SLC44A3: variants seen among roughly 807,000 people sequenced by gnomAD.
The protein encoded by SLC44A3 is choline transporter-like protein 3.
A neutral mutation model predicts 75.4 loss-of-function variants in SLC44A3; 74 were observed. The ratio of observed to expected loss-of-function variants is 0.98; its 90% confidence interval spans 0.81 to 1.19. The LOEUF (loss-of-function observed/expected upper bound fraction) is 1.19, where lower values mean the gene tolerates loss of function less well. Among genes scored for constraint, SLC44A3 ranks in the 50% most tolerant of loss-of-function variants. SLC44A3 has a pLI of 0.00. For missense variants in SLC44A3, 700 were observed against 778.6 expected (o/e 0.90, Z 1.20); for synonymous variants, 310 against 296.9 (o/e 1.04, Z -0.45).
In SLC44A3 at chr1:94,895,038, A is replaced by G. The variant is rs1242683551; in HGVS notation, c.*116A>G. On this transcript the variant is annotated 3_prime_UTR_variant, in exon 15 of 15. Transcript: ENST00000271227. ...AATTTTTTTTTAAAAGACCTAATAAACCCTATTCTTCCTCATTGTCTTTGT... is the reference window on the plus strand; with the variant it reads ...AATTTTTTTTTAAAAGACCTAATAAGCCCTATTCTTCCTCATTGTCTTTGT... The G allele has an allele frequency of 7.3e-6, 5 of 681,174 alleles. No individual in the cohort carries two copies. The highest frequency in any genetic ancestry group is 1.0e-5 in the Non-Finnish European group (4 of 400,224). 42.2% of individuals were successfully genotyped at this position (681,174 alleles called of 1,614,324 possible). A position where few individuals can be genotyped will look rare whatever the true frequency, so the allele number is the denominator to read the frequency against.
chr1:94,871,370 C>T (rs1342322668), intron 12 of SLC44A3, among the ~76,000 whole-genome samples: 1 of 152,204 alleles, frequency 6.6e-6, no homozygotes, highest in East Asian at 1.9e-4. Context: ...GTGGTCAAAG[C>T]GTCTGGGAGT....
intron 6 of SLC44A3, among the ~76,000 whole-genome samples, chr1:94,838,650 A>G (rs979115319): frequency 2.6e-5 from 4 of 152,194 alleles, no homozygotes; most frequent in African/African-American, 9.6e-5. Flanking sequence ...CCACAATTTC[A>G]TTACTAAAAG....
intron 9 of SLC44A3, among the ~76,000 whole-genome samples, chr1:94,856,052 G>A (rs1480384983): frequency 1.3e-5 from 2 of 152,204 alleles, no homozygotes; most frequent in African/African-American, 4.8e-5. Context: ...TACCAGCAGA[G>A]CTAATTCAAG....
At chr1:94,883,370 G>C (rs1428772068) in intron 12 of SLC44A3, among the ~76,000 whole-genome samples, 1 of 152,128 alleles carries the variant, frequency 6.6e-6, no homozygotes, top group Non-Finnish European at 1.5e-5. Flanking sequence ...AGGTGTGGTG[G>C]CGCATGCCTG....
chr1:94,886,616 C>T (rs1256010276), intron 12 of SLC44A3, among the ~76,000 whole-genome samples: 1 of 152,146 alleles, frequency 6.6e-6, no homozygotes, highest in Non-Finnish European at 1.5e-5. Flanking sequence ...TCCCCTCTCC[C>T]TCCAGCTTGT....
In SLC44A3 at chr1:94,857,499, A is replaced by G; in HGVS notation, c.1237A>G (p.Arg413Gly). The G allele has an allele frequency of 6.2e-7, 1 of 1,608,516 alleles. No homozygotes were observed. Among genetic ancestry groups the G allele is most frequent in the Non-Finnish European group, 8.5e-7 (1 of 1,178,288 alleles). Residue 413 changes from arginine (R) to glycine (G), a missense_variant and splice_region_variant, in exon 10 of 15, where the codon AGA (arginine) becomes GGA (glycine). By Grantham distance (125) the Arg-to-Gly change is moderately radical. Coordinates refer to ENST00000271227, the MANE Select transcript of SLC44A3 (RefSeq NM_001114106.3). ...GGCAGTGGTTACTTGTTATTTCAAC[A>G]GGTAGGTCCAGTGTTTTTTTTCTAT... ...AGAVVTCYFN[R>G]SKNDPPDHPI...
At chr1:94,834,881 G>A (rs1444363354) in intron 5 of SLC44A3, among the ~76,000 whole-genome samples, 1 of 152,138 alleles carries the variant, frequency 6.6e-6, no homozygotes, top group African/African-American at 2.4e-5. Flanking sequence ...GATAGAGAGG[G>A]AAAAGAGAAA....
At chr1:94,844,239 G>A (rs1160563296) in intron 8 of SLC44A3, among the ~76,000 whole-genome samples, 1 of 152,212 alleles carries the variant, frequency 6.6e-6, no homozygotes, top group East Asian at 1.9e-4. Context: ...GCCACTGGAG[G>A]TAAAGAATAC....
chr1:94,872,133 C>T lies in SLC44A3; in HGVS notation c.1482+4716C>T, dbSNP rs1571386082. On this transcript the variant is annotated intron_variant, in intron 12 of 14. Coordinates refer to ENST00000271227, the MANE Select transcript of SLC44A3 (RefSeq NM_001114106.3). The stretch of plus-strand genomic sequence containing the variant: ...TTATTTTTTTTGAGACAGAGTTTCA[C>T]TCTTGTTGCCCAGGCTGGAGTGCAA... Among the ~76,000 whole-genome samples, 4 of 152,200 alleles carry T rather than the reference C, an allele frequency of 2.6e-5. No individual in the cohort carries two copies. The South Asian group carries it at 8.3e-4, about 32-fold the overall frequency.
At chr1:94,831,505 G>A (rs886257723) in intron 5 of SLC44A3, among the ~76,000 whole-genome samples, 4 of 152,148 alleles carry the variant, frequency 2.6e-5, no homozygotes, top group East Asian at 1.9e-4. Context: ...TACCCTTTTC[G>A]AGTAATGGCT....
At chr1:94,821,479 T>TCA (rs1378931573) in intron 2 of SLC44A3, among the ~76,000 whole-genome samples, 1 of 152,052 alleles carries the variant, frequency 6.6e-6, no homozygotes, top group Non-Finnish European at 1.5e-5. Context: ...TAGCTGAACA[T>TCA]CACACACACA....
chr1:94,848,758 A>G (rs1664792742), intron 9 of SLC44A3, among the ~76,000 whole-genome samples: 1 of 152,046 alleles, frequency 6.6e-6, no homozygotes, highest in African/African-American at 2.4e-5. Flanking sequence ...CAACAATGAA[A>G]CGTGTGATCG....
At chr1:94,829,081 C>T (rs1306348817) in intron 5 of SLC44A3, among the ~76,000 whole-genome samples, 1 of 151,840 alleles carries the variant, frequency 6.6e-6, no homozygotes, top group Non-Finnish European at 1.5e-5. Flanking sequence ...TCTAAATATA[C>T]AAAAATATAT....
At chr1:94,892,894 A>G (rs1420574333) in intron 14 of SLC44A3, among the ~76,000 whole-genome samples, 1 of 152,156 alleles carries the variant, frequency 6.6e-6, no homozygotes, top group African/African-American at 2.4e-5. Context: ...CTTTTTCTAA[A>G]GCATTTTTGC....
chr1:94,821,814 T>G (rs60716620), intron 2 of SLC44A3, among the ~76,000 whole-genome samples: 55,234 of 152,040 alleles, frequency 0.36, 10,293 homozygotes, highest in East Asian at 0.58. Flanking sequence ...TACCAGATAG[T>G]AATTACCTTT....
At chr1:94,878,152 T>G (rs1040012453) in intron 12 of SLC44A3, among the ~76,000 whole-genome samples, 4 of 151,824 alleles carry the variant, frequency 2.6e-5, no homozygotes, top group African/African-American at 9.7e-5. Flanking sequence ...GAGAATGGCG[T>G]GAACCCCAGG....
At chr1:94,847,616 C>T (rs1401649517) in intron 9 of SLC44A3, among the ~76,000 whole-genome samples, 2 of 152,306 alleles carry the variant, frequency 1.3e-5, no homozygotes, top group East Asian at 3.9e-4. Flanking sequence ...GTGGGCTCAG[C>T]CCTGGTCAGA....
Position 94,820,460 on chromosome 1 carries a change from C to T in SLC44A3, c.9C>T (p.Cys3=). The T allele has an allele frequency of 2.0e-6, 3 of 1,494,110 alleles. No individual in the cohort carries two copies. Among genetic ancestry groups the T allele is most frequent in the East Asian group, 2.8e-5 (1 of 36,042 alleles). 92.6% of individuals were successfully genotyped at this position (1,494,110 alleles called of 1,614,324 possible). MH[C]LGAEYLVSAE... ...CCGCCGGCGAGCGCACGATGCACTG[C>T]CTGGGCGCCGAGTACCTGGTAAGCG... Residue 3 remains cysteine, a synonymous_variant, in exon 1 of 15, where the codon TGC becomes TGT. Coordinates refer to ENST00000271227, the MANE Select transcript of SLC44A3 (RefSeq NM_001114106.3).
chr1:94,885,780 G>A (rs925504799), intron 12 of SLC44A3, among the ~76,000 whole-genome samples: 16 of 152,212 alleles, frequency 1.1e-4, no homozygotes, highest in African/African-American at 2.7e-4. Context: ...GAATGTGTTC[G>A]GGGAGAGGTA....
Sources: gnomAD v4.1 joint callset for allele counts (sites outside exome capture counted in the v4.1 genomes callset) on GRCh38, gnomAD v4.1.1 for gene constraint, MANE v1.5 for transcripts, NCBI Gene and HGNC (gene_info 2026-07-23, HGNC 2026-07-21) for gene names.